The following MYOM1 variants were observed in gnomAD, a reference collection of about 807,000 sequenced individuals.
MYOM1 encodes the protein myomesin 1, also known as myomesin-1.
MYOM1 carries 164 observed loss-of-function variants against 205.3 expected under a neutral mutation model. The observed-to-expected ratio is 0.80, with a 90% CI of 0.70 to 0.91. MYOM1 has a LOEUF of 0.91. MYOM1 is among the 40% of genes least tolerant of loss of function. The pLI is 0.00. For synonymous variants in MYOM1, 772 were observed against 789.4 expected (o/e 0.98, Z 0.37); for missense variants, 2,011 against 2,127.3 (o/e 0.95, Z 1.08).
At chr18:3,124,052 G>T (rs2079738293) in intron 19 of MYOM1, among the ~76,000 whole-genome samples, 1 of 151,228 alleles carries the variant, frequency 6.6e-6, no homozygotes. Flanking sequence ...GGCCAGGCTG[G>T]TCTCAAACTC....
In MYOM1 at chr18:3,164,375, T is replaced by C. The variant is rs766066174; in HGVS notation, c.1404A>G (p.Thr468=). ...CATCTTCTTTGTTGAGATGGGAAAA[T>C]GTCAGCGTTGCCCGCTCTCCACTCC... The part of the protein sequence containing the change: ...TLWSGERATL[T]FSHLNKEDEG... Residue 468 remains threonine, a synonymous_variant, in exon 10 of 38, where the codon ACA becomes ACG. Transcript: ENST00000356443. 1.2e-5 allele frequency: 19 copies of C among 1,611,854 alleles called. No homozygotes were observed. Among genetic ancestry groups the C allele is most frequent in the Non-Finnish European group, 1.5e-5 (18 of 1,178,942 alleles).
In MYOM1 at chr18:3,219,232, G is replaced by A. The variant is rs73377282; in HGVS notation, c.-29+571C>T. ...TTAGAGGGCAGAAGCTGATGAAAACGATTCCCAGAAAAATCACTATGTGGG... is the reference window on the plus strand; with the variant it reads ...TTAGAGGGCAGAAGCTGATGAAAACAATTCCCAGAAAAATCACTATGTGGG... On this transcript the variant is annotated intron_variant, in intron 1 of 37. Coordinates refer to ENST00000356443, the MANE Select transcript of MYOM1 (RefSeq NM_003803.4). The surrounding 1 kb of genome is among the most constrained non-coding windows in gnomAD (Gnocchi z 4.4). Among the ~76,000 whole-genome samples the A allele has an allele frequency of 0.023, 3,542 of 152,158 alleles. 124 individuals carry two copies. Among genetic ancestry groups the A allele is most frequent in the African/African-American group, 0.081 (3,356 of 41,530 alleles).
chr18:3,157,985 C>T (rs922718180), intron 10 of MYOM1, among the ~76,000 whole-genome samples: 1 of 151,926 alleles, frequency 6.6e-6, no homozygotes, highest in African/African-American at 2.4e-5. Flanking sequence ...TATATTTTGA[C>T]CTCTGACACA....
At chr18:3,214,064 TAGAC>T (rs1567971829) in intron 2 of MYOM1, among the ~76,000 whole-genome samples, 2 of 152,342 alleles carry the variant, frequency 1.3e-5, no homozygotes, top group South Asian at 2.1e-4. Flanking sequence ...CTATTATTCT[TAGAC>T]TGACTGAGAT....
At chr18:3,182,247 C>T (rs895581875) in intron 5 of MYOM1, among the ~76,000 whole-genome samples, 9 of 151,928 alleles carry the variant, frequency 5.9e-5, no homozygotes, top group African/African-American at 2.2e-4. Context: ...AGGCCAGAAA[C>T]CCAAATGAAT....
chr18:3,096,740 C>T (rs7506455), intron 25 of MYOM1, among the ~76,000 whole-genome samples: 11,033 of 152,110 alleles, frequency 0.073, 402 homozygotes, highest in South Asian at 0.082. Context: ...GGGTAAAAAC[C>T]GGTGTCTGCA....
intron 2 of MYOM1, 144 bp downstream of exon 2, chr18:3,214,790 C>T: frequency 2.3e-6 from 2 of 882,518 alleles, no homozygotes; most frequent in Non-Finnish European, 3.3e-6. Context: ...CACGCCATTG[C>T]ACTCCAGCCT....
intron 2 of MYOM1, among the ~76,000 whole-genome samples, chr18:3,208,979 T>G (rs925680083): frequency 6.6e-6 from 1 of 152,156 alleles, no homozygotes; most frequent in Non-Finnish European, 1.5e-5. Flanking sequence ...GTCAATTGGC[T>G]CAATATTTTT....
intron 3 of MYOM1, among the ~76,000 whole-genome samples, chr18:3,191,751 A>G (rs1009533043): frequency 6.7e-6 from 1 of 150,174 alleles, no homozygotes; most frequent in Non-Finnish European, 1.5e-5. Flanking sequence ...GCTGGAGTGC[A>G]GTGGCGTGAT....
At chr18:3,155,520 G>A (rs1349804789) in intron 10 of MYOM1, among the ~76,000 whole-genome samples, 15 of 152,134 alleles carry the variant, frequency 9.9e-5, no homozygotes, top group Non-Finnish European at 2.1e-4. Flanking sequence ...CATCACACCC[G>A]GCCAAATCTT....
intron 22 of MYOM1, among the ~76,000 whole-genome samples, chr18:3,109,400 A>T (rs2079494904): frequency 6.6e-6 from 1 of 152,180 alleles, no homozygotes. Flanking sequence ...TCTCAAGTTG[A>T]TTGAGGGATG....
chr18:3,074,536 T>A (rs2078998813), intron 36 of MYOM1, among the ~76,000 whole-genome samples: 1 of 152,262 alleles, frequency 6.6e-6, no homozygotes, highest in Admixed American at 6.5e-5. Context: ...ACTCCTAAGA[T>A]CCTGTAAGAC....
chr18:3,161,189 T>C (rs757713695), intron 10 of MYOM1, among the ~76,000 whole-genome samples: 2 of 152,208 alleles, frequency 1.3e-5, no homozygotes, highest in African/African-American at 2.4e-5. Context: ...CCTGATGATA[T>C]AGACTTTTTC....
At chr18:3,089,148 A>G (rs748995353) in intron 29 of MYOM1, 26 bp downstream of exon 29, 1 of 1,538,374 alleles carries the variant, frequency 6.5e-7, no homozygotes, top group South Asian at 1.2e-5. Flanking sequence ...CTTGAATCAA[A>G]TATTAAAAAT....
rs1174832428 is a variant in MYOM1 at position 3,168,847 on chromosome 18, A to C, written c.1309T>G (p.Phe437Val). Residue 437 changes from phenylalanine (F) to valine (V), a missense_variant, in exon 9 of 38, where the codon TTC (phenylalanine) becomes GTC (valine). Phe to Val is a conservative substitution (Grantham distance 50). Coordinates refer to ENST00000356443, the MANE Select transcript of MYOM1 (RefSeq NM_003803.4). ...RVVITPEIKH[F>V]QPEIQWYRNG... ...CTGTACCACTGGATCTCTGGCTGGA[A>C]ATGTTTAATTTCAGGAGTGATGACA... 1.2e-6 allele frequency: 2 copies of C among 1,613,932 alleles called. No individual in the cohort carries two copies. Among genetic ancestry groups the C allele is most frequent in the Non-Finnish European group, 1.7e-6 (2 of 1,179,858 alleles).
intron 13 of MYOM1, among the ~76,000 whole-genome samples, chr18:3,143,782 C>T (rs2080083897): frequency 1.3e-5 from 2 of 151,232 alleles, no homozygotes; most frequent in African/African-American, 2.4e-5. Flanking sequence ...GTACCTATAG[C>T]CCCAGCTACT....
chr18:3,122,182 T>TTG (rs559238425), intron 19 of MYOM1, among the ~76,000 whole-genome samples: 20,388 of 148,682 alleles, frequency 0.14, 1,581 homozygotes, highest in East Asian at 0.32. Flanking sequence ...AGATATTAGT[T>TTG]TTTTTTTTTT....
chr18:3,149,122 T>C (rs2080180062), intron 13 of MYOM1, 23 bp downstream of exon 13: 2 of 1,611,714 alleles, frequency 1.2e-6, no homozygotes, highest in African/African-American at 2.7e-5. Flanking sequence ...AGCAATAGTA[T>C]CTGGGGCAAC....
chr18:3,092,470 C>A (rs895860402), intron 26 of MYOM1, among the ~76,000 whole-genome samples: 1 of 152,104 alleles, frequency 6.6e-6, no homozygotes, highest in Non-Finnish European at 1.5e-5. Flanking sequence ...TGGGATTACA[C>A]GTGTGAGCCA....
Sources: gnomAD v4.1 joint callset for allele counts (sites outside exome capture counted in the v4.1 genomes callset) on GRCh38, gnomAD v4.1.1 for gene constraint, Gnocchi (gnomAD v3.1) non-coding constraint, MANE v1.5 for transcripts, NCBI Gene and HGNC (gene_info 2026-07-23, HGNC 2026-07-21) for gene names.